The following NKD1 variants were observed in gnomAD, a reference collection of about 807,000 sequenced individuals.
The protein encoded by NKD1 is NKD inhibitor of Wnt signaling pathway 1.
Under a neutral mutation model 56.0 loss-of-function variants are expected in NKD1, and 21 were observed. The ratio of observed to expected loss-of-function variants is 0.38; its 90% CI spans 0.27 to 0.54. The LOEUF (loss-of-function observed/expected upper bound fraction) is 0.54, where lower values mean the gene tolerates loss of function less well. Among genes scored for constraint, NKD1 ranks in the 20% least tolerant of loss-of-function variants. The pLI, the probability that NKD1 is intolerant of heterozygous loss-of-function variation, is 0.82. For synonymous variants in NKD1, 263 were observed against 265.7 expected (o/e 0.99, Z 0.10); for missense variants, 578 against 642.7 (o/e 0.90, Z 1.09).
chr16:50,614,486 G>A (rs1455662785), intron 4 of NKD1, among the ~76,000 whole-genome samples: 2 of 152,156 alleles, frequency 1.3e-5, no homozygotes, highest in Non-Finnish European at 2.9e-5. Context: ...CTCCCCCACA[G>A]GGGGCAAGGG....
At chr16:50,568,935 C>T (rs1376610624) in intron 3 of NKD1, among the ~76,000 whole-genome samples, 4 of 152,270 alleles carry the variant, frequency 2.6e-5, no homozygotes, top group South Asian at 4.2e-4. Flanking sequence ...CCCTTGCTCC[C>T]GTCTTGCTTC....
chr16:50,554,229 G>C (rs1960451021), intron 3 of NKD1, among the ~76,000 whole-genome samples: 1 of 152,158 alleles, frequency 6.6e-6, no homozygotes, highest in Admixed American at 6.5e-5. Flanking sequence ...GGAGGCACCT[G>C]CTGTGGGTCC....
chr16:50,594,974 C>A (rs533692439), intron 3 of NKD1, among the ~76,000 whole-genome samples: 1 of 152,176 alleles, frequency 6.6e-6, no homozygotes, highest in African/African-American at 2.4e-5. Context: ...ATTCCCCAAA[C>A]GTCCTGGGCC....
chr16:50,572,639 G>A (rs1960909313), intron 3 of NKD1, among the ~76,000 whole-genome samples: 1 of 152,146 alleles, frequency 6.6e-6, no homozygotes, highest in African/African-American at 2.4e-5. Flanking sequence ...CAGGGGATCT[G>A]CTGTGGGACT....
chr16:50,588,717 C>G (rs1487467950), intron 3 of NKD1, among the ~76,000 whole-genome samples: 1 of 150,864 alleles, frequency 6.6e-6, no homozygotes, highest in Non-Finnish European at 1.5e-5. Flanking sequence ...AGTTCTTCCA[C>G]CTCAGCTTCC....
chr16:50,562,091 C>T (rs1299790368), intron 3 of NKD1, among the ~76,000 whole-genome samples: 1 of 152,192 alleles, frequency 6.6e-6, no homozygotes, highest in African/African-American at 2.4e-5. Context: ...AAGTTTTTGA[C>T]AACTCAAACA....
chr16:50,563,679 AC>A (rs777578621), intron 3 of NKD1, among the ~76,000 whole-genome samples: 3 of 128,908 alleles, frequency 2.3e-5, no homozygotes, highest in Admixed American at 1.6e-4. Context: ...CATGGAGAAG[AC>A]CCTGTGTGTC....
At chr16:50,574,594 G>A (rs766650623) in intron 3 of NKD1, 14 of 985,298 alleles carry the variant, frequency 1.4e-5, no homozygotes, top group Non-Finnish European at 1.7e-5. Flanking sequence ...TTAGCAGCTG[G>A]CCTCGCAGGC....
chr16:50,640,549 C>T lies in NKD1; in HGVS notation c.*6768C>T, dbSNP rs1962560070. On this transcript the variant is annotated 3_prime_UTR_variant, in exon 10 of 10. Coordinates refer to ENST00000268459, the MANE Select transcript of NKD1 (RefSeq NM_033119.5). Reference sequence around the variant, plus strand: ...CAGGGACTTCTTAGATAGCTGCTTCCTTAGGGCATGGCATGTAGTGGGTGG... The same window carrying T: ...CAGGGACTTCTTAGATAGCTGCTTCTTTAGGGCATGGCATGTAGTGGGTGG... The T allele has an allele frequency of 6.6e-6, 1 of 152,156 alleles. No homozygotes were observed. The highest frequency in any genetic ancestry group is 2.4e-5 in the African/African-American group (1 of 41,422). 9.4% of individuals were successfully genotyped at this position (152,156 alleles called of 1,614,324 possible).
In NKD1 at chr16:50,607,240, A is replaced by C. The variant is rs76922434; in HGVS notation, c.193-1054A>C. 470 of 348,668 alleles carry C rather than the reference A, an allele frequency of 1.3e-3. 5 individuals are homozygous for C. The highest frequency in any genetic ancestry group is 9.1e-3 in the African/African-American group (426 of 46,768). 21.6% of individuals were successfully genotyped at this position (348,668 alleles called of 1,614,324 possible). ...AAAAACAAAAAAAAGCAAGAGGCTT[A>C]CCTCCAGCTGTGTCCAGTTGATGAG... On this transcript the variant is annotated intron_variant, in intron 3 of 9. Coordinates refer to ENST00000268459, the MANE Select transcript of NKD1 (RefSeq NM_033119.5).
At position 50,639,502 on chromosome 16, in the gene NKD1, G is replaced by A. The variant is rs989810495; in HGVS notation, c.*5721G>A. The stretch of plus-strand genomic sequence containing the variant: ...CCAGTGGCCCTGCCTTGAGGAGGAT[G>A]TGCATTAACGTGGTAGGGGAGACAG... On this transcript the variant is annotated 3_prime_UTR_variant, in exon 10 of 10. Transcript: ENST00000268459. The A allele has an allele frequency of 3.3e-5, 5 of 152,280 alleles. No homozygotes were observed. The highest frequency in any genetic ancestry group is 2.6e-4 in the Admixed American group (4 of 15,288). 9.4% of individuals were successfully genotyped at this position (152,280 alleles called of 1,614,324 possible).
chr16:50,587,502 A>G (rs372764587), intron 3 of NKD1, among the ~76,000 whole-genome samples: 5 of 152,296 alleles, frequency 3.3e-5, no homozygotes, highest in African/African-American at 9.6e-5. Flanking sequence ...TTTCCACGTA[A>G]CTTTTGTTCT....
In NKD1 at chr16:50,574,172, A is replaced by G. The variant is rs1960943813; in HGVS notation, c.192+24617A>G. 4 of 968,790 alleles carry G rather than the reference A, an allele frequency of 4.1e-6. No individual in the cohort carries two copies. In the South Asian group the frequency reaches 1.4e-4, roughly 35 times the overall value. 60.0% of individuals were successfully genotyped at this position (968,790 alleles called of 1,614,324 possible). On this transcript the variant is annotated intron_variant, in intron 3 of 9. Coordinates refer to ENST00000268459, the MANE Select transcript of NKD1 (RefSeq NM_033119.5). ...GCTGGATCCAAATGCAGGACTGCCT[A>G]TGTTCATTCTACCTCACCACTACCT...
chr16:50,610,791 G>A (rs1961829427), intron 4 of NKD1, among the ~76,000 whole-genome samples: 1 of 152,234 alleles, frequency 6.6e-6, no homozygotes, highest in African/African-American at 2.4e-5. Flanking sequence ...CTGGCCAGCT[G>A]GGAGCGGGAG....
chr16:50,599,356 G>A (rs1961545314), intron 3 of NKD1, among the ~76,000 whole-genome samples: 1 of 152,046 alleles, frequency 6.6e-6, no homozygotes, highest in Non-Finnish European at 1.5e-5. Context: ...CTTTCAGCTG[G>A]GGAAACTGAG....
intron 3 of NKD1, among the ~76,000 whole-genome samples, chr16:50,579,103 C>A (rs930100144): frequency 2.0e-5 from 3 of 152,210 alleles, no homozygotes; most frequent in African/African-American, 7.2e-5. Flanking sequence ...ACCACTCTAA[C>A]CCGCCACACA....
chr16:50,615,375 T>C (rs4785442), intron 4 of NKD1, among the ~76,000 whole-genome samples: 13,822 of 152,200 alleles, frequency 0.091, 1,531 homozygotes, highest in African/African-American at 0.27. Flanking sequence ...ATTGGGCTGA[T>C]GGAAGATTCT....
chr16:50,633,669 A>G lies in NKD1; in HGVS notation c.1301A>G (p.Glu434Gly). 2.5e-6 allele frequency: 4 copies of G among 1,602,942 alleles called. No individual in the cohort carries two copies. In the South Asian group the frequency reaches 4.5e-5, roughly 18 times the overall value. Residue 434 changes from glutamate (E) to glycine (G), a missense_variant, in exon 10 of 10, where the codon GAG becomes GGG. By Grantham distance (98) the Glu-to-Gly change is moderately conservative. Coordinates refer to ENST00000268459, the MANE Select transcript of NKD1 (RefSeq NM_033119.5). The surrounding 1 kb of genome is among the most constrained non-coding windows in gnomAD (Gnocchi z 4.9). Reference protein sequence around the residue: ...GPVLGREHLRELPALVVYESQ... With the variant: ...GPVLGREHLRGLPALVVYESQ... ...GTCCTGGGGCGGGAGCACCTGCGGGAGCTGCCCGCCTTGGTGGTGTATGAG... is the reference window on the plus strand; with the variant it reads ...GTCCTGGGGCGGGAGCACCTGCGGGGGCTGCCCGCCTTGGTGGTGTATGAG...
intron 4 of NKD1, chr16:50,616,001 T>C (rs776447725): frequency 2.2e-6 from 1 of 447,634 alleles, no homozygotes; most frequent in Non-Finnish European, 4.5e-6. Context: ...CGCCTAATTA[T>C]ATTTGGCAGA....
Sources: gnomAD v4.1 joint callset for allele counts (sites outside exome capture counted in the v4.1 genomes callset) on GRCh38, gnomAD v4.1.1 for gene constraint, Gnocchi (gnomAD v3.1) non-coding constraint, MANE v1.5 for transcripts, NCBI Gene and HGNC (gene_info 2026-07-23, HGNC 2026-07-21) for gene names.